SOX6: variants seen among roughly 807,000 people sequenced by gnomAD.
SOX6 encodes the protein SRY-box transcription factor 6.
SOX6 carries 11 observed loss-of-function variants against 97.8 expected under a neutral mutation model. That is an observed-to-expected ratio of 0.11 (90% CI 0.07 to 0.19). The LOEUF is 0.19. SOX6 is among the 10% of genes least tolerant of loss of function. The pLI, the probability that SOX6 is intolerant of heterozygous loss-of-function variation, is 1.00. For missense variants in SOX6, 810 were observed against 1,039.5 expected (o/e 0.78, Z 3.04); for synonymous variants, 360 against 371.4 (o/e 0.97, Z 0.35).
rs535099213 is a variant in SOX6 at position 16,134,823 on chromosome 11, T to C, written c.778-22900A>G. On this transcript the variant is annotated intron_variant, in intron 6 of 15. Coordinates refer to ENST00000683767, the MANE Select transcript of SOX6 (RefSeq NM_001367873.1). ...TTCCCTGAGACAACAATATTGAAAT[T>C]AGGCCAATTAATAACTCTACAATGG... Among the ~76,000 whole-genome samples, 5 of 152,318 alleles carry C rather than the reference T, an allele frequency of 3.3e-5. No homozygotes were observed. In the South Asian group the frequency reaches 1.0e-3, roughly 32 times the overall value.
chr11:16,263,753 A>AT (rs35430267), intron 3 of SOX6, among the ~76,000 whole-genome samples: 143,947 of 151,546 alleles, frequency 0.95, 68,784 homozygotes, highest in East Asian at 1. Flanking sequence ...GTCAAAATGT[A>AT]TTTTTTTAAC....
At chr11:16,581,052 T>C (rs1848028416) in intron 4 of SOX6, among the ~76,000 whole-genome samples, 2 of 152,074 alleles carry the variant, frequency 1.3e-5, no homozygotes, top group Admixed American at 1.3e-4. Context: ...TCCTCAAGAA[T>C]CTAGAACCAG....
At chr11:16,627,840 C>T (rs1039801824) in intron 3 of SOX6, among the ~76,000 whole-genome samples, 3 of 152,124 alleles carry the variant, frequency 2.0e-5, no homozygotes, top group Non-Finnish European at 2.9e-5. Flanking sequence ...GTTGCAATTG[C>T]TTTTGAGGAC....
intron 3 of SOX6, among the ~76,000 whole-genome samples, chr11:16,655,187 C>A (rs1847705461): frequency 6.6e-6 from 1 of 152,128 alleles, no homozygotes; most frequent in Non-Finnish European, 1.5e-5. Flanking sequence ...GGATTAGATA[C>A]AACTTCCTGA....
intron 4 of SOX6, among the ~76,000 whole-genome samples, chr11:16,574,412 G>T (rs1179614959): frequency 5.9e-5 from 9 of 152,070 alleles, no homozygotes. Flanking sequence ...TAAATTATCT[G>T]GGATAGCTGG....
At chr11:16,199,328 C>A (rs1027949556) in intron 4 of SOX6, among the ~76,000 whole-genome samples, 1 of 152,118 alleles carries the variant, frequency 6.6e-6, no homozygotes, top group Non-Finnish European at 1.5e-5. Flanking sequence ...CACAAATGAT[C>A]GTCCAAACAC....
intron 13 of SOX6, among the ~76,000 whole-genome samples, chr11:15,991,712 T>C (rs532131767): frequency 1.3e-4 from 20 of 152,340 alleles, no homozygotes; most frequent in Admixed American, 3.9e-4. Flanking sequence ...TTAAAATATG[T>C]ATTTCATCGT....
At chr11:16,459,553 C>T (rs1280580824) in intron 1 of SOX6, among the ~76,000 whole-genome samples, 3 of 151,890 alleles carry the variant, frequency 2.0e-5, no homozygotes, top group Non-Finnish European at 4.4e-5. Flanking sequence ...ATTAAAACAG[C>T]TATTATACTT....
At chr11:16,657,483 A>G (rs182941869) in intron 3 of SOX6, among the ~76,000 whole-genome samples, 17 of 152,316 alleles carry the variant, frequency 1.1e-4, no homozygotes, top group African/African-American at 3.4e-4. Flanking sequence ...GCTAGATCAT[A>G]TTGTAAGAGT....
chr11:16,284,669 C>T (rs1011390922), intron 3 of SOX6, among the ~76,000 whole-genome samples: 1 of 152,072 alleles, frequency 6.6e-6, no homozygotes, highest in African/African-American at 2.4e-5. Context: ...GGTACATCAC[C>T]AAGCAAATGC....
chr11:16,625,156 T>C (rs192433972), intron 3 of SOX6, among the ~76,000 whole-genome samples: 1 of 152,322 alleles, frequency 6.6e-6, no homozygotes, highest in Admixed American at 6.5e-5. Flanking sequence ...TTTTTTTCTT[T>C]TATCACTAGT....
chr11:16,207,136 A>G (rs1852093069), intron 4 of SOX6, among the ~76,000 whole-genome samples: 1 of 151,890 alleles, frequency 6.6e-6, no homozygotes, highest in South Asian at 2.1e-4. Context: ...TGTCTTACCC[A>G]CTCTATTCAC....
intron 7 of SOX6, chr11:16,110,272 CA>C (rs1564959810): frequency 2.0e-5 from 3 of 151,876 alleles, no homozygotes; most frequent in Admixed American, 1.3e-4. Flanking sequence ...GGGACTGGTA[CA>C]GGGGTGTCAA....
At chr11:16,482,060 C>G (rs1432260846) in intron 4 of SOX6, among the ~76,000 whole-genome samples, 2 of 152,140 alleles carry the variant, frequency 1.3e-5, no homozygotes, top group Admixed American at 1.3e-4. Context: ...TGCATTCAAT[C>G]TGTTGTGATA....
At chr11:16,399,072 A>G (rs1440831619) in intron 1 of SOX6, among the ~76,000 whole-genome samples, 1 of 151,284 alleles carries the variant, frequency 6.6e-6, no homozygotes, top group Non-Finnish European at 1.5e-5. Context: ...TGGCCTCTCT[A>G]CCACTTCCTA....
chr11:16,313,816 T>C (rs2134293907), intron 3 of SOX6: 2 of 151,514 alleles, frequency 1.3e-5, no homozygotes, highest in East Asian at 2.0e-4. Flanking sequence ...ACCACGTTCC[T>C]ATTTGCCCAG....
intron 4 of SOX6, among the ~76,000 whole-genome samples, chr11:16,502,918 T>C (rs888100220): frequency 1.3e-5 from 2 of 152,256 alleles, no homozygotes; most frequent in African/African-American, 2.4e-5. Flanking sequence ...CGGTACATTA[T>C]AGTCAAACTG....
chr11:16,236,861 T>C (rs1485442816), intron 3 of SOX6, among the ~76,000 whole-genome samples: 1 of 152,034 alleles, frequency 6.6e-6, no homozygotes, highest in Non-Finnish European at 1.5e-5. Context: ...CACAGCTTTA[T>C]ATAAAAGCTA....
intron 1 of SOX6, among the ~76,000 whole-genome samples, chr11:16,469,603 C>T (rs186164311): frequency 7.2e-4 from 109 of 152,204 alleles, no homozygotes; most frequent in African/African-American, 2.5e-3. Flanking sequence ...AGGTCTCCAA[C>T]AATGGGCTTT....
Sources: allele counts gnomAD v4.1 joint callset (sites outside exome capture counted in the v4.1 genomes callset), GRCh38; gene constraint gnomAD v4.1.1; transcripts MANE v1.5; gene names NCBI Gene and HGNC (gene_info 2026-07-23, HGNC 2026-07-21).